The following KCNB2 variants were observed in gnomAD, a reference collection of about 807,000 sequenced individuals.
KCNB2 encodes delayed rectifier potassium channel protein.
In KCNB2, 15 loss-of-function variants were observed where a neutral mutation model predicts 61.5. The ratio of observed to expected loss-of-function variants is 0.24; its 90% CI spans 0.16 to 0.38. The LOEUF (loss-of-function observed/expected upper bound fraction) is 0.38, where lower values mean the gene tolerates loss of function less well. Ranked by LOEUF, KCNB2 falls within the 10% of genes least tolerant of loss-of-function variation. The pLI, the probability that KCNB2 is intolerant of heterozygous loss-of-function variation, is 1.00. For synonymous variants in KCNB2, 457 were observed against 446.0 expected, an observed-to-expected ratio of 1.02 and a Z score of -0.31; for missense variants, 828 against 1,125.2, an observed-to-expected ratio of 0.74 and a Z score of 3.78.
chr8:72,896,281 C>T (rs1236450646), intron 2 of KCNB2, among the ~76,000 whole-genome samples: 2 of 152,098 alleles, frequency 1.3e-5, no homozygotes, highest in Non-Finnish European at 2.9e-5. Flanking sequence ...ACCTGGTTTC[C>T]TTACACTGGG....
chr8:72,712,479 G>A (rs1563567379), intron 2 of KCNB2, among the ~76,000 whole-genome samples: 2 of 152,234 alleles, frequency 1.3e-5, no homozygotes, highest in African/African-American at 4.8e-5. Flanking sequence ...CTAACTTTTA[G>A]TTGGATAATG....
intron 2 of KCNB2, among the ~76,000 whole-genome samples, chr8:72,629,254 C>T (rs1805841812): frequency 6.6e-6 from 1 of 152,092 alleles, no homozygotes; most frequent in South Asian, 2.1e-4. Context: ...AGGAATAGCC[C>T]CCACAGTGTC....
chr8:72,937,013 A>G lies in KCNB2; in HGVS notation c.1658A>G (p.His553Arg). Residue 553 changes from histidine (H) to arginine (R), a missense_variant, in exon 3 of 3, where the codon CAT (histidine) becomes CGT (arginine). Physicochemically the swap from His to Arg is conservative, Grantham distance 29 (BLOSUM62 0). Around this residue, in one of 4 missense-constraint regions of KCNB2, gnomAD observed 559 missense variants for 588.4 expected, o/e 0.95. Transcript: ENST00000523207. ...LYNEITKTQP[H>R]SHPNPDCQEK... ...AATGAAATCACCAAGACACAGCCTC[A>G]TTCTCACCCAAACCCAGACTGCCAA... 1 of 1,614,110 alleles carries G rather than the reference A, an allele frequency of 6.2e-7. No homozygotes were observed. The highest frequency in any genetic ancestry group is 8.5e-7 in the Non-Finnish European group (1 of 1,179,958).
At chr8:72,557,242 A>G (rs941878696) in intron 1 of KCNB2, among the ~76,000 whole-genome samples, 1 of 152,162 alleles carries the variant, frequency 6.6e-6, no homozygotes, top group African/African-American at 2.4e-5. Context: ...CATCCCAATT[A>G]CTGCCCAGCA....
At chr8:72,868,935 T>C (rs1157805723) in intron 2 of KCNB2, among the ~76,000 whole-genome samples, 1 of 152,176 alleles carries the variant, frequency 6.6e-6, no homozygotes, top group South Asian at 2.1e-4. Context: ...GGAAAGTCTC[T>C]TCCTTTTTTC....
At chr8:72,800,011 C>T (rs16938382) in intron 2 of KCNB2, among the ~76,000 whole-genome samples, 4,336 of 152,098 alleles carry the variant, frequency 0.029, 148 homozygotes, top group African/African-American at 0.076. Flanking sequence ...GGCCAGAGCA[C>T]GGTGGGCCTT....
chr8:72,850,997 G>A (rs1810094538), intron 2 of KCNB2, among the ~76,000 whole-genome samples: 1 of 152,184 alleles, frequency 6.6e-6, no homozygotes, highest in South Asian at 2.1e-4. Flanking sequence ...TCTCCACTGT[G>A]ATTGGCATGG....
intron 2 of KCNB2, among the ~76,000 whole-genome samples, chr8:72,922,550 G>A (rs1585977535): frequency 6.6e-6 from 1 of 152,176 alleles, no homozygotes; most frequent in Non-Finnish European, 1.5e-5. Flanking sequence ...CAAAGATGGA[G>A]CATCACTGAT....
chr8:72,909,128 A>G (rs766283713), intron 2 of KCNB2, among the ~76,000 whole-genome samples: 9 of 152,078 alleles, frequency 5.9e-5, no homozygotes, highest in Non-Finnish European at 2.9e-5. Context: ...GAGACTAATG[A>G]GCCAAAAACA....
At chr8:72,715,257 CAG>C (rs1163333709) in intron 2 of KCNB2, among the ~76,000 whole-genome samples, 1 of 152,156 alleles carries the variant, frequency 6.6e-6, no homozygotes, top group African/African-American at 2.4e-5. Flanking sequence ...ATCAACGAGA[CAG>C]AACGTTAACA....
At chr8:72,699,417 CTT>C (rs1044575779) in intron 2 of KCNB2, among the ~76,000 whole-genome samples, 9 of 147,054 alleles carry the variant, frequency 6.1e-5, no homozygotes, top group Admixed American at 4.8e-4. Context: ...TGTTCATACT[CTT>C]TGCCCACTTT....
chr8:72,550,936 A>G (rs1486050598), intron 1 of KCNB2, among the ~76,000 whole-genome samples: 1 of 152,214 alleles, frequency 6.6e-6, no homozygotes, highest in Non-Finnish European at 1.5e-5. Flanking sequence ...AGAATGGTCC[A>G]GCCCCATAGG....
intron 2 of KCNB2, among the ~76,000 whole-genome samples, chr8:72,815,740 G>C (rs73686528): frequency 0.046 from 6,994 of 152,144 alleles, 204 homozygotes; most frequent in African/African-American, 0.082. Flanking sequence ...TAAAAGAAAA[G>C]TTTTGCATGC....
At chr8:72,661,572 G>A (rs895192386) in intron 2 of KCNB2, 1 of 152,192 alleles carries the variant, frequency 6.6e-6, no homozygotes, top group Non-Finnish European at 1.5e-5. Context: ...TCTGTTTAAT[G>A]TGTTTGTTTC....
chr8:72,635,785 C>T (rs1006832951), intron 2 of KCNB2, among the ~76,000 whole-genome samples: 9 of 152,130 alleles, frequency 5.9e-5, no homozygotes, highest in African/African-American at 2.2e-4. Flanking sequence ...TGTAAGAACT[C>T]CTGGCTGCCT....
intron 2 of KCNB2, among the ~76,000 whole-genome samples, chr8:72,908,302 T>C (rs1377963674): frequency 6.6e-6 from 1 of 152,224 alleles, no homozygotes; most frequent in Non-Finnish European, 1.5e-5. Flanking sequence ...GTCATGTTTA[T>C]TGCATAGAAC....
In KCNB2 at chr8:72,864,470, T is replaced by C. The variant is rs146673167; in HGVS notation, c.580-71465T>C. Among the ~76,000 whole-genome samples the C allele has an allele frequency of 1.4e-4, 22 of 152,318 alleles. No homozygotes were observed. The East Asian group carries it at 4.1e-3, about 28-fold the overall frequency. On this transcript the variant is annotated intron_variant, in intron 2 of 2. Transcript: ENST00000523207. ...AAAACCAAAGCAAAAAACCTGTGAG[T>C]TCCCTTAGTAGACACACTTCTGCCT...
At chr8:72,905,169 G>A (rs1806155953) in intron 2 of KCNB2, among the ~76,000 whole-genome samples, 1 of 152,140 alleles carries the variant, frequency 6.6e-6, no homozygotes, top group Non-Finnish European at 1.5e-5. Flanking sequence ...AGCTAAGCTC[G>A]ACCTCTGAAA....
At chr8:72,640,460 T>C (rs1227427446) in intron 2 of KCNB2, among the ~76,000 whole-genome samples, 1 of 152,140 alleles carries the variant, frequency 6.6e-6, no homozygotes, top group African/African-American at 2.4e-5. Context: ...CCAAATCCTG[T>C]CTTCTCAGAC....
Sources: allele counts gnomAD v4.1 joint callset (sites outside exome capture counted in the v4.1 genomes callset), GRCh38; gene constraint gnomAD v4.1.1; regional missense constraint gnomAD v4.1.1; transcripts MANE v1.5; gene names NCBI Gene and HGNC (gene_info 2026-07-23, HGNC 2026-07-21).